The following PIGF variants were observed in gnomAD, a reference collection of about 807,000 sequenced individuals.
The protein encoded by PIGF is phosphatidylinositol glycan anchor biosynthesis class F.
PIGF carries 23 observed loss-of-function variants against 26.0 expected under a neutral mutation model. That is an observed-to-expected ratio of 0.88 (90% CI 0.64 to 1.25). PIGF has a LOEUF of 1.25. Ranked by LOEUF, PIGF falls within the 50% of genes most tolerant of loss-of-function variation. The probability of loss-of-function intolerance (pLI) is 0.00; values close to 1 mark genes in which losing one functional copy is unlikely to be tolerated. For synonymous variants in PIGF, 93 were observed against 92.6 expected (o/e 1.00, Z -0.03); for missense variants, 278 against 249.9 (o/e 1.11, Z -0.76).
intron 4 of PIGF, among the ~76,000 whole-genome samples, chr2:46,605,978 C>T (rs1351856779): frequency 2.0e-5 from 3 of 152,086 alleles, no homozygotes; most frequent in African/African-American, 7.2e-5. Flanking sequence ...AATTTTTAGC[C>T]ATAGTCCTCT....
At chr2:46,609,936 C>T (rs57955462) in intron 4 of PIGF, among the ~76,000 whole-genome samples, 24,895 of 151,924 alleles carry the variant, frequency 0.16, 3,312 homozygotes, top group African/African-American at 0.37. Flanking sequence ...GTTGGAAAAA[C>T]GGCGCTGATA....
In PIGF at chr2:46,611,079, C is replaced by T. The variant is rs77139700; in HGVS notation, c.437+1149G>A. Among the ~76,000 whole-genome samples, 403 of 152,294 alleles carry T rather than the reference C, an allele frequency of 2.6e-3. 3 individuals carry two copies. The highest frequency in any genetic ancestry group is 9.1e-3 in the African/African-American group (377 of 41,568). On this transcript the variant is annotated intron_variant, in intron 4 of 5. Coordinates refer to ENST00000281382, the MANE Select transcript of PIGF (RefSeq NM_002643.4). ...TTCCCATCTCCCCCTCCATTCTTTACTGATGCTCTGTCCCTTTGAGTTCCT... is the reference window on the plus strand; with the variant it reads ...TTCCCATCTCCCCCTCCATTCTTTATTGATGCTCTGTCCCTTTGAGTTCCT...
intron 2 of PIGF, 49 bp from the exon 3 acceptor site, chr2:46,613,834 C>T: frequency 6.9e-7 from 1 of 1,444,932 alleles, no homozygotes; most frequent in Non-Finnish European, 9.4e-7. Context: ...GCTTAAAGGA[C>T]AATAAATTCT....
chr2:46,602,515 C>G (rs1004243702), intron 4 of PIGF, among the ~76,000 whole-genome samples: 3 of 151,698 alleles, frequency 2.0e-5, no homozygotes, highest in Non-Finnish European at 4.4e-5. Flanking sequence ...CAAAATTAGC[C>G]TGTTCACACT....
intron 5 of PIGF, among the ~76,000 whole-genome samples, chr2:46,584,162 T>G (rs973893829): frequency 5.3e-5 from 8 of 152,216 alleles, no homozygotes; most frequent in African/African-American, 1.2e-4. Context: ...TAAATGATTG[T>G]TACTTTAACA....
rs17035346 is a variant in PIGF at position 46,591,664 on chromosome 2, T to C, written c.546+811A>G. 416 of 1,002,440 alleles carry C rather than the reference T, an allele frequency of 4.1e-4. 7 individuals are homozygous for C. The East Asian group carries it at 0.015, about 37-fold the overall frequency. 62.1% of individuals were successfully genotyped at this position (1,002,440 alleles called of 1,614,324 possible). A position where few individuals can be genotyped will look rare whatever the true frequency, so the allele number is the denominator to read the frequency against. ...AATTTGTTAAATAAGTTATAAAGTA[T>C]ATAATGGCATACTACAAAGTCATTA... On this transcript the variant is annotated intron_variant, in intron 5 of 5. Transcript: ENST00000281382.
chr2:46,616,970 C>T lies in PIGF; in HGVS notation c.-22G>A, dbSNP rs545395277. On this transcript the variant is annotated splice_region_variant and 5_prime_UTR_variant, in exon 1 of 6. The change abolishes the stop of an existing upstream ORF in the 5' untranslated region. Coordinates refer to ENST00000281382, the MANE Select transcript of PIGF (RefSeq NM_002643.4). ...GCCGAGGGCGTCCAGCGGGGCTTAC[C>T]TAACTCTCCCTCCCGCGGAAGGGAA... The T allele has an allele frequency of 1.3e-5, 7 of 528,110 alleles. No individual in the cohort carries two copies. The South Asian group carries it at 1.4e-4, about 11-fold the overall frequency. The allele number at this position is 528,110 out of a possible 1,614,324, so 32.7% of individuals were successfully genotyped here. A position where few individuals can be genotyped will look rare whatever the true frequency, so the allele number is the denominator to read the frequency against.
intron 4 of PIGF, among the ~76,000 whole-genome samples, chr2:46,601,990 T>G (rs1670074177): frequency 6.6e-6 from 1 of 151,876 alleles, no homozygotes; most frequent in South Asian, 2.1e-4. Context: ...TATATGGGTG[T>G]ATAGTAGTCA....
chr2:46,617,036 G>C lies in PIGF; in HGVS notation c.-88C>G. 1 of 604,052 alleles carries C rather than the reference G, an allele frequency of 1.7e-6. No individual in the cohort carries two copies. Among genetic ancestry groups the C allele is most frequent in the Non-Finnish European group, 2.9e-6 (1 of 339,896 alleles). The allele number at this position is 604,052 out of a possible 1,614,324, so 37.4% of individuals were successfully genotyped here. On this transcript the variant is annotated 5_prime_UTR_variant, in exon 1 of 6. Transcript: ENST00000281382. ...CTCCTACCATCAGGTACGACGGGCG[G>C]CCCAGGCCCACGCGCAGGCGCAGGG... is the stretch of plus-strand genomic sequence containing the variant.
chr2:46,599,316 G>C (rs1669986072), intron 4 of PIGF, among the ~76,000 whole-genome samples: 1 of 152,064 alleles, frequency 6.6e-6, no homozygotes. Context: ...TCTTGATATA[G>C]TGAGTCCCTT....
chr2:46,581,302 A>G lies in PIGF; in HGVS notation c.*176T>C, dbSNP rs1669360624. On this transcript the variant is annotated 3_prime_UTR_variant, in exon 6 of 6. Transcript: ENST00000281382. ...AGCCACAATCTATTATAAATACTTT[A>G]TTTCAACTAGAAGGTACAATCTCTC... 1 of 1,005,634 alleles carries G rather than the reference A, an allele frequency of 9.9e-7. No homozygotes were observed. The highest frequency in any genetic ancestry group is 1.4e-6 in the Non-Finnish European group (1 of 696,500). 62.3% of individuals were successfully genotyped at this position (1,005,634 alleles called of 1,614,324 possible).
intron 4 of PIGF, among the ~76,000 whole-genome samples, chr2:46,603,524 GAACA>G (rs1272576382): frequency 6.6e-6 from 1 of 152,014 alleles, no homozygotes; most frequent in African/African-American, 2.4e-5. Context: ...TAGACCAATA[GAACA>G]AATAGAGAAC....
At chr2:46,597,370 T>C (rs1443077966) in intron 4 of PIGF, among the ~76,000 whole-genome samples, 2 of 152,052 alleles carry the variant, frequency 1.3e-5, no homozygotes, top group African/African-American at 4.8e-5. Flanking sequence ...GATTTTACTG[T>C]AATTTTTGGG....
intron 5 of PIGF, among the ~76,000 whole-genome samples, chr2:46,584,992 T>C (rs1213737260): frequency 1.3e-5 from 2 of 152,240 alleles, no homozygotes; most frequent in Non-Finnish European, 2.9e-5. Context: ...TTTTCATAAT[T>C]AGATCCTAAG....
intron 5 of PIGF, chr2:46,591,969 T>C (rs1463778866): frequency 4.6e-6 from 6 of 1,302,114 alleles, no homozygotes; most frequent in Non-Finnish European, 5.1e-6. Context: ...ATCAATCAAG[T>C]TCAGAAAATA....
At chr2:46,612,003 C>A (rs1349050621) in intron 4 of PIGF, among the ~76,000 whole-genome samples, 5 of 150,784 alleles carry the variant, frequency 3.3e-5, no homozygotes, top group African/African-American at 4.9e-5. Flanking sequence ...TGGAATTCTA[C>A]CATACAGAAA....
intron 5 of PIGF, among the ~76,000 whole-genome samples, chr2:46,587,479 C>T (rs1224466809): frequency 6.6e-6 from 1 of 151,528 alleles, no homozygotes; most frequent in Non-Finnish European, 1.5e-5. Context: ...ACAACAATGC[C>T]TCATTTATCT....
chr2:46,608,065 A>G (rs1016239129), intron 4 of PIGF, among the ~76,000 whole-genome samples: 1 of 152,234 alleles, frequency 6.6e-6, no homozygotes, highest in Non-Finnish European at 1.5e-5. Flanking sequence ...CTTCCAGAAA[A>G]GATTGATCTG....
chr2:46,616,195 G>C (rs1302622838), intron 1 of PIGF: 2 of 152,244 alleles, frequency 1.3e-5, no homozygotes, highest in Non-Finnish European at 2.9e-5. Flanking sequence ...CGGCAAACAG[G>C]TGAGGTGGTC....
Sources: allele counts gnomAD v4.1 joint callset (sites outside exome capture counted in the v4.1 genomes callset), GRCh38; gene constraint gnomAD v4.1.1; transcripts MANE v1.5; gene names NCBI Gene and HGNC (gene_info 2026-07-23, HGNC 2026-07-21).